The following CALN1 variants were observed in gnomAD, a reference collection of about 807,000 sequenced individuals.
CALN1 encodes the protein calneuron 1.
A neutral mutation model predicts 30.6 loss-of-function variants in CALN1; 17 were observed. That is an observed-to-expected ratio of 0.56 (90% CI 0.38 to 0.83). CALN1 has a LOEUF of 0.83. Ranked by LOEUF, CALN1 falls within the 40% of genes least tolerant of loss-of-function variation. The probability of loss-of-function intolerance (pLI) is 0.00; values close to 1 mark genes in which losing one functional copy is unlikely to be tolerated. For synonymous variants in CALN1, 156 were observed against 131.4 expected (o/e 1.19, Z -1.28); for missense variants, 291 against 354.9 (o/e 0.82, Z 1.45).
chr7:72,138,737 A>G (rs10807743), intron 3 of CALN1, among the ~76,000 whole-genome samples: 84,064 of 151,900 alleles, frequency 0.55, 23,608 homozygotes, highest in East Asian at 0.68. Context: ...CTGATAAAAC[A>G]GCACATGAAA....
At chr7:71,833,971 C>T (rs1789446126) in intron 5 of CALN1, among the ~76,000 whole-genome samples, 1 of 151,986 alleles carries the variant, frequency 6.6e-6, no homozygotes, top group Non-Finnish European at 1.5e-5. Context: ...CGCCTGTAAT[C>T]CCAACACTTT....
At chr7:72,198,383 G>A (rs552734444) in intron 3 of CALN1, among the ~76,000 whole-genome samples, 6 of 152,220 alleles carry the variant, frequency 3.9e-5, no homozygotes, top group Admixed American at 3.9e-4. Context: ...CAGGTACCTT[G>A]CTTTATTTAT....
chr7:72,259,597 A>G (rs527793064), intron 3 of CALN1, among the ~76,000 whole-genome samples: 1 of 152,280 alleles, frequency 6.6e-6, no homozygotes, highest in East Asian at 1.9e-4. Context: ...CCCACCAATT[A>G]TGAGTTGTGT....
chr7:72,007,674 G>T (rs1471651863), intron 5 of CALN1, among the ~76,000 whole-genome samples: 1 of 152,146 alleles, frequency 6.6e-6, no homozygotes, highest in African/African-American at 2.4e-5. Context: ...GAGTGCGAGA[G>T]CCTTGTTTAT....
chr7:72,028,812 G>GA (rs1250754996), intron 4 of CALN1, among the ~76,000 whole-genome samples: 2 of 152,156 alleles, frequency 1.3e-5, no homozygotes, highest in African/African-American at 2.4e-5. Context: ...CCAACATGGT[G>GA]AAACCCTATG....
the CALN1 span, among the ~76,000 whole-genome samples, chr7:72,499,826 C>CT: frequency 1.5e-4 from 8 of 53,268 alleles, no homozygotes; most frequent in Admixed American, 4.0e-4. Context: ...TCCTTCCTTC[C>CT]TTCTTTCTTT....
chr7:72,444,883 G>T (rs1433837357), intron 1 of CALN1, among the ~76,000 whole-genome samples: 1 of 152,150 alleles, frequency 6.6e-6, no homozygotes, highest in Non-Finnish European at 1.5e-5. Flanking sequence ...TCCAGTGAAG[G>T]TCTGTTGGTC....
chr7:72,432,961 G>A (rs1309164952), intron 1 of CALN1, among the ~76,000 whole-genome samples: 1 of 152,128 alleles, frequency 6.6e-6, no homozygotes, highest in African/African-American at 2.4e-5. Context: ...AAGGAGAGGC[G>A]GGAAAAGAAC....
chr7:72,435,125 T>C (rs929754803), intron 1 of CALN1, among the ~76,000 whole-genome samples: 14 of 152,002 alleles, frequency 9.2e-5, no homozygotes, highest in Non-Finnish European at 1.9e-4. Flanking sequence ...GTCCTAGCTA[T>C]TCAGAAGGCT....
At chr7:71,905,933 C>T (rs1186936490) in intron 5 of CALN1, among the ~76,000 whole-genome samples, 5 of 152,052 alleles carry the variant, frequency 3.3e-5, no homozygotes, top group Non-Finnish European at 5.9e-5. Flanking sequence ...GAAGCAAGCA[C>T]CTTCTTCACA....
the CALN1 span, among the ~76,000 whole-genome samples, chr7:72,463,987 G>A: frequency 2.6e-4 from 29 of 111,374 alleles, no homozygotes; most frequent in African/African-American, 1.4e-3. Flanking sequence ...AAGGGAAGGA[G>A]GGAGGGAGGG....
intron 1 of CALN1, among the ~76,000 whole-genome samples, chr7:72,410,830 G>T (rs868303353): frequency 6.6e-6 from 1 of 152,120 alleles, no homozygotes; most frequent in Non-Finnish European, 1.5e-5. Flanking sequence ...AGAAGCACTA[G>T]AAACTTTATT....
intron 5 of CALN1, among the ~76,000 whole-genome samples, chr7:71,868,691 G>A (rs939753563): frequency 6.6e-6 from 1 of 151,818 alleles, no homozygotes; most frequent in African/African-American, 2.4e-5. Context: ...AAGGAGATGG[G>A]GCTAAAGCAT....
At chr7:71,974,574 A>T (rs1258878676) in intron 5 of CALN1, among the ~76,000 whole-genome samples, 1 of 152,064 alleles carries the variant, frequency 6.6e-6, no homozygotes, top group East Asian at 1.9e-4. Context: ...ATGCTTACTG[A>T]CCATTCTGTC....
rs757847195 is a variant in CALN1 at position 71,883,554 on chromosome 7, G to GT, written c.502-73063_502-73062insA. Among the ~76,000 whole-genome samples, 287 of 152,278 alleles carry GT rather than the reference G, an allele frequency of 1.9e-3. 2 individuals carry two copies. The highest frequency in any genetic ancestry group is 3.1e-3 in the Non-Finnish European group (211 of 68,022). Reference sequence around the variant, plus strand: ...AAGGAGTTAGGAACATAATGAGCAGGAAGTGTGGAGGAGAAGGGCAACTCC... The same window carrying GT: ...AAGGAGTTAGGAACATAATGAGCAGGTAAGTGTGGAGGAGAAGGGCAACTCC... On this transcript the variant is annotated intron_variant, in intron 5 of 6. Transcript: ENST00000395275.
chr7:72,421,327 C>T (rs374219448), intron 1 of CALN1, among the ~76,000 whole-genome samples: 1 of 152,250 alleles, frequency 6.6e-6, no homozygotes, highest in South Asian at 2.1e-4. Flanking sequence ...TTTCTATCCT[C>T]ACAGCTTAGC....
intron 3 of CALN1, among the ~76,000 whole-genome samples, chr7:72,209,324 C>A (rs1585170794): frequency 2.1e-4 from 14 of 65,670 alleles, no homozygotes; most frequent in East Asian, 2.9e-3. Context: ...TTCCCTCCTT[C>A]CCTCTTTCCT....
chr7:72,392,732 T>C (rs1364541339), intron 2 of CALN1, among the ~76,000 whole-genome samples: 1 of 152,086 alleles, frequency 6.6e-6, no homozygotes, highest in Non-Finnish European at 1.5e-5. Context: ...TCCCAGCAGT[T>C]TGGGAAGCCA....
chr7:72,142,405 C>A (rs189403149), intron 3 of CALN1, among the ~76,000 whole-genome samples: 1 of 152,152 alleles, frequency 6.6e-6, no homozygotes, highest in African/African-American at 2.4e-5. Context: ...CGAACTACAA[C>A]GCGGCAGCGA....
Sources: gnomAD v4.1 joint callset for allele counts (sites outside exome capture counted in the v4.1 genomes callset) on GRCh38, gnomAD v4.1.1 for gene constraint, MANE v1.5 for transcripts, NCBI Gene and HGNC (gene_info 2026-07-23, HGNC 2026-07-21) for gene names.